The following PTPRD variants were observed in gnomAD, a reference collection of about 807,000 sequenced individuals.
PTPRD encodes protein tyrosine phosphatase receptor type D.
In PTPRD, 34 loss-of-function variants were observed where a neutral mutation model predicts 214.5. The ratio of observed to expected loss-of-function variants is 0.16; its 90% CI spans 0.12 to 0.21. The LOEUF (loss-of-function observed/expected upper bound fraction) is 0.21, where lower values mean the gene tolerates loss of function less well. Among genes scored for constraint, PTPRD ranks in the 10% least tolerant of loss-of-function variants. The pLI is 1.00. For synonymous variants in PTPRD, 1,128 were observed against 845.7 expected (o/e 1.33, Z -5.79); for missense variants, 2,545 against 2,398.7 (o/e 1.06, Z -1.27).
intron 9 of PTPRD, among the ~76,000 whole-genome samples, chr9:9,354,615 A>T (rs1205719801): frequency 6.6e-6 from 1 of 151,770 alleles, no homozygotes. Flanking sequence ...GCTATTGGAG[A>T]GCGATAGATA....
intron 7 of PTPRD, among the ~76,000 whole-genome samples, chr9:9,667,388 G>T (rs539706529): frequency 7.9e-5 from 12 of 152,046 alleles, no homozygotes; most frequent in African/African-American, 2.9e-4. Context: ...TACTGAATAG[G>T]CCTATGCGTA....
intron 9 of PTPRD, among the ~76,000 whole-genome samples, chr9:9,275,972 G>A (rs1309995435): frequency 6.6e-6 from 1 of 151,258 alleles, no homozygotes; most frequent in African/African-American, 2.4e-5. Context: ...AAGAAATGGA[G>A]AAGAGAACAC....
At chr9:8,989,801 T>A (rs968804677) in intron 11 of PTPRD, among the ~76,000 whole-genome samples, 1 of 152,102 alleles carries the variant, frequency 6.6e-6, no homozygotes, top group South Asian at 2.1e-4. Flanking sequence ...CTCCTAAGAA[T>A]TAAGAGGCAC....
intron 20 of PTPRD, among the ~76,000 whole-genome samples, chr9:8,519,553 C>A (rs902275153): frequency 6.6e-6 from 1 of 152,074 alleles, no homozygotes; most frequent in African/African-American, 2.4e-5. Context: ...AGTATAACAC[C>A]CCCTAGAATG....
chr9:10,129,666 T>C (rs1427068028), intron 3 of PTPRD, among the ~76,000 whole-genome samples: 2 of 151,964 alleles, frequency 1.3e-5, no homozygotes, highest in African/African-American at 4.8e-5. Context: ...TTTCCCATGG[T>C]TTCTTGGTCA....
intron 3 of PTPRD, among the ~76,000 whole-genome samples, chr9:10,186,163 T>C (rs551015463): frequency 2.0e-5 from 3 of 152,198 alleles, no homozygotes; most frequent in South Asian, 4.1e-4. Flanking sequence ...TCCAGACTAT[T>C]GGATCAACGT....
intron 3 of PTPRD, among the ~76,000 whole-genome samples, chr9:10,305,738 G>C (rs117903677): frequency 0.029 from 4,399 of 152,202 alleles, 286 homozygotes; most frequent in Admixed American, 0.16. Flanking sequence ...TCTCACTTCA[G>C]TTACAATGGC....
intron 11 of PTPRD, among the ~76,000 whole-genome samples, chr9:8,980,807 G>A (rs62529151): frequency 0.12 from 18,194 of 152,044 alleles, 1,202 homozygotes; most frequent in South Asian, 0.19. Flanking sequence ...CAATCCCTGG[G>A]GACTTACGGT....
intron 8 of PTPRD, among the ~76,000 whole-genome samples, chr9:9,570,999 A>G (rs1157276091): frequency 6.6e-6 from 1 of 151,490 alleles, no homozygotes; most frequent in African/African-American, 2.4e-5. Flanking sequence ...TTGCTGTTCT[A>G]CTTCCATTGT....
At chr9:8,375,045 C>A (rs2082804257) in intron 39 of PTPRD, among the ~76,000 whole-genome samples, 1 of 151,842 alleles carries the variant, frequency 6.6e-6, no homozygotes, top group African/African-American at 2.4e-5. Context: ...CCTATACTCC[C>A]AGACTTCTAT....
chr9:9,933,291 TAA>T (rs1287888775), intron 5 of PTPRD, among the ~76,000 whole-genome samples: 47 of 152,290 alleles, frequency 3.1e-4, no homozygotes, highest in Non-Finnish European at 6.2e-4. Flanking sequence ...GCAAATTGGA[TAA>T]AGAGTCAAGA....
intron 3 of PTPRD, among the ~76,000 whole-genome samples, chr9:10,112,783 A>G (rs2098702131): frequency 6.6e-6 from 1 of 152,252 alleles, no homozygotes; most frequent in Admixed American, 6.5e-5. Context: ...AATGATTTTT[A>G]TACATGTTTC....
chr9:8,388,087 C>T (rs1442901121), intron 37 of PTPRD, among the ~76,000 whole-genome samples: 1 of 152,154 alleles, frequency 6.6e-6, no homozygotes, highest in African/African-American at 2.4e-5. Context: ...TTTAGTTTTG[C>T]TAAACCAACC....
intron 4 of PTPRD, among the ~76,000 whole-genome samples, chr9:10,007,712 T>C (rs1452679692): frequency 1.3e-5 from 2 of 151,982 alleles, no homozygotes; most frequent in Non-Finnish European, 2.9e-5. Context: ...ATGTTTTGGC[T>C]AAAATGTTAA....
At chr9:8,370,698 C>T (rs1230602967) in intron 39 of PTPRD, among the ~76,000 whole-genome samples, 1 of 151,944 alleles carries the variant, frequency 6.6e-6, no homozygotes, top group East Asian at 1.9e-4. Context: ...GACCAGGTCA[C>T]CAGGGAAGGC....
intron 9 of PTPRD, among the ~76,000 whole-genome samples, chr9:9,231,312 G>C (rs1248263456): frequency 6.6e-6 from 1 of 152,014 alleles, no homozygotes; most frequent in African/African-American, 2.4e-5. Context: ...TTAACTCTTT[G>C]GCTGGAAAAG....
At chr9:9,452,834 C>T (rs1408131148) in intron 8 of PTPRD, among the ~76,000 whole-genome samples, 2 of 151,398 alleles carry the variant, frequency 1.3e-5, no homozygotes, top group African/African-American at 2.4e-5. Context: ...GAACACTAAG[C>T]TATTTCTAAT....
At chr9:9,268,863 TC>T (rs1210083706) in intron 9 of PTPRD, among the ~76,000 whole-genome samples, 2 of 145,498 alleles carry the variant, frequency 1.4e-5, no homozygotes, top group African/African-American at 2.5e-5. Context: ...AAAACTCAAC[TC>T]AAAATGGATT....
chr9:8,689,612 C>T (rs1046971649), intron 12 of PTPRD, among the ~76,000 whole-genome samples: 1 of 152,046 alleles, frequency 6.6e-6, no homozygotes, highest in African/African-American at 2.4e-5. Context: ...GGGAAACCAC[C>T]CCCATGATTC....
Sources: allele counts gnomAD v4.1 joint callset (sites outside exome capture counted in the v4.1 genomes callset), GRCh38; gene constraint gnomAD v4.1.1; transcripts MANE v1.5; gene names NCBI Gene and HGNC (gene_info 2026-07-23, HGNC 2026-07-21).